DOCK4: variants seen among roughly 807,000 people sequenced by gnomAD.
DOCK4 encodes the protein dedicator of cytokinesis 4.
Under a neutral mutation model 268.1 loss-of-function variants are expected in DOCK4, and 97 were observed. The ratio of observed to expected loss-of-function variants is 0.36; its 90% CI spans 0.31 to 0.43. The LOEUF (loss-of-function observed/expected upper bound fraction) is 0.43, where lower values mean the gene tolerates loss of function less well. Among genes scored for constraint, DOCK4 ranks in the 20% least tolerant of loss-of-function variants. The probability of loss-of-function intolerance (pLI) is 1.00; values close to 1 mark genes in which losing one functional copy is unlikely to be tolerated. For synonymous variants in DOCK4, 954 were observed against 887.2 expected (o/e 1.08, Z -1.34); for missense variants, 2,145 against 2,455.7 (o/e 0.87, Z 2.67).
intron 31 of DOCK4, chr7:111,789,095 T>A (rs1799365078): frequency 3.2e-6 from 1 of 313,688 alleles, no homozygotes; most frequent in Non-Finnish European, 6.1e-6. Context: ...TTTTTAAACA[T>A]CACTATATAT....
chr7:111,939,982 G>T, intron 11 of DOCK4, 128 bp downstream of exon 11: 1 of 915,420 alleles, frequency 1.1e-6, no homozygotes, highest in Non-Finnish European at 1.7e-6. Flanking sequence ...CAGATTACTG[G>T]GTTTTTGAGG....
chr7:111,773,314 G>C (rs1291894513), intron 36 of DOCK4, among the ~76,000 whole-genome samples: 1 of 152,194 alleles, frequency 6.6e-6, no homozygotes, highest in African/African-American at 2.4e-5. Flanking sequence ...GAAGATAGAA[G>C]AGAGAAGAAT....
Position 111,769,512 on chromosome 7 carries a change from G to A in DOCK4, c.3828+17C>T, listed in dbSNP as rs763148413. Reference sequence around the variant, plus strand: ...CATCACCCCAGGAGGGACCCCGGGCGGGGCAGGGCCACTTACTTTGCCTCT... The same window carrying A: ...CATCACCCCAGGAGGGACCCCGGGCAGGGCAGGGCCACTTACTTTGCCTCT... On this transcript the variant is annotated intron_variant, in intron 37 of 52. Coordinates refer to ENST00000428084, the MANE Select transcript of DOCK4 (RefSeq NM_001363540.2). The A allele has an allele frequency of 1.5e-5, 24 of 1,612,846 alleles. No individual in the cohort carries two copies. The highest frequency in any genetic ancestry group is 2.7e-5 in the African/African-American group (2 of 74,892).
chr7:111,754,745 T>G (rs1796908487), intron 42 of DOCK4, among the ~76,000 whole-genome samples: 2 of 152,220 alleles, frequency 1.3e-5, no homozygotes, highest in Admixed American at 6.5e-5. Context: ...CTGCTCTCCC[T>G]GCTGTCCACA....
chr7:112,178,529 C>A (rs1242762732), intron 1 of DOCK4, among the ~76,000 whole-genome samples: 5 of 152,130 alleles, frequency 3.3e-5, no homozygotes, highest in African/African-American at 9.7e-5. Flanking sequence ...GAAATACCCA[C>A]CATGAAATAA....
At chr7:111,929,325 T>C (rs556853833) in intron 12 of DOCK4, among the ~76,000 whole-genome samples, 1 of 152,266 alleles carries the variant, frequency 6.6e-6, no homozygotes, top group East Asian at 1.9e-4. Context: ...TAGTATAATG[T>C]TAACCTTTGG....
intron 23 of DOCK4, among the ~76,000 whole-genome samples, chr7:111,858,556 T>C (rs1465494550): frequency 1.3e-5 from 2 of 152,202 alleles, no homozygotes; most frequent in African/African-American, 2.4e-5. Context: ...CTCTTCCTGA[T>C]GGTCTTCGAG....
At chr7:111,903,730 G>A (rs1791336386) in intron 13 of DOCK4, among the ~76,000 whole-genome samples, 1 of 152,070 alleles carries the variant, frequency 6.6e-6, no homozygotes, top group Non-Finnish European at 1.5e-5. Context: ...AAGAGGTTTG[G>A]GAGGAAATTC....
chr7:111,959,690 A>G (rs1796714740), intron 8 of DOCK4, among the ~76,000 whole-genome samples: 1 of 152,178 alleles, frequency 6.6e-6, no homozygotes, highest in South Asian at 2.1e-4. Flanking sequence ...CAGTCTTTTC[A>G]AAAGAAGCAT....
At chr7:112,003,945 G>T in intron 2 of DOCK4, 103 bp downstream of exon 2, 1 of 775,926 alleles carries the variant, frequency 1.3e-6, no homozygotes, top group Non-Finnish European at 1.9e-6. Context: ...AATGACTTGT[G>T]GTGACTACTG....
chr7:111,936,830 C>T (rs577121733), intron 11 of DOCK4, among the ~76,000 whole-genome samples: 3 of 152,046 alleles, frequency 2.0e-5, no homozygotes, highest in Non-Finnish European at 4.4e-5. Flanking sequence ...ATTTTATTGC[C>T]ACAGGATTTT....
intron 1 of DOCK4, among the ~76,000 whole-genome samples, chr7:112,188,827 T>G (rs548298120): frequency 6.6e-6 from 1 of 152,244 alleles, no homozygotes; most frequent in African/African-American, 2.4e-5. Context: ...TACACCCTCA[T>G]CATATAAAAG....
At chr7:112,099,724 T>C (rs1006256797) in intron 1 of DOCK4, among the ~76,000 whole-genome samples, 7 of 152,152 alleles carry the variant, frequency 4.6e-5, no homozygotes, top group South Asian at 2.1e-4. Context: ...AATATGTGCA[T>C]ATAAGAAAAC....
chr7:111,748,332 T>C (rs1796411404), intron 42 of DOCK4, among the ~76,000 whole-genome samples: 1 of 152,082 alleles, frequency 6.6e-6, no homozygotes, highest in African/African-American at 2.4e-5. Context: ...GAAGGGAAGA[T>C]AAGCAAGAAC....
At chr7:112,013,954 C>T (rs961500291) in intron 1 of DOCK4, among the ~76,000 whole-genome samples, 1 of 152,126 alleles carries the variant, frequency 6.6e-6, no homozygotes, top group Non-Finnish European at 1.5e-5. Flanking sequence ...TCCCAATACC[C>T]GGCACAATGC....
chr7:112,012,670 G>GA (rs1224844738), intron 1 of DOCK4, among the ~76,000 whole-genome samples: 6 of 151,130 alleles, frequency 4.0e-5, no homozygotes, highest in Non-Finnish European at 5.9e-5. Flanking sequence ...AAAAATAAAT[G>GA]AAAAAAAACC....
intron 27 of DOCK4, among the ~76,000 whole-genome samples, chr7:111,814,826 T>C (rs1481425685): frequency 6.6e-6 from 1 of 152,204 alleles, no homozygotes; most frequent in African/African-American, 2.4e-5. Flanking sequence ...ATTGGGCCTG[T>C]GAGCCTTTCA....
intron 3 of DOCK4, among the ~76,000 whole-genome samples, chr7:112,000,002 T>G (rs1800294432): frequency 6.6e-6 from 1 of 152,114 alleles, no homozygotes; most frequent in Non-Finnish European, 1.5e-5. Context: ...AATTTCTGCC[T>G]GAAATGGTAA....
At chr7:112,021,230 G>A (rs949910709) in intron 1 of DOCK4, among the ~76,000 whole-genome samples, 6 of 152,124 alleles carry the variant, frequency 3.9e-5, no homozygotes, top group Admixed American at 6.5e-5. Context: ...AGCACACTTC[G>A]GCAAATCTGT....
Sources: gnomAD v4.1 joint callset for allele counts (sites outside exome capture counted in the v4.1 genomes callset) on GRCh38, gnomAD v4.1.1 for gene constraint, MANE v1.5 for transcripts, NCBI Gene and HGNC (gene_info 2026-07-23, HGNC 2026-07-21) for gene names.